Variants in GFRA1 observed in about 807,000 individuals in gnomAD.
GFRA1 encodes the protein GDNF family receptor alpha 1, also known as GDNF family receptor alpha-1.
A neutral mutation model predicts 51.6 loss-of-function variants in GFRA1; 16 were observed. The ratio of observed to expected loss-of-function variants is 0.31; its 90% CI spans 0.21 to 0.47. The LOEUF (loss-of-function observed/expected upper bound fraction) is 0.47. Ranked by LOEUF, GFRA1 falls within the 20% of genes least tolerant of loss-of-function variation. The pLI is 1.00. For synonymous variants in GFRA1, 270 were observed against 241.3 expected (o/e 1.12, Z -1.10); for missense variants, 530 against 594.3 (o/e 0.89, Z 1.13).
intron 5 of GFRA1, among the ~76,000 whole-genome samples, chr10:116,143,549 C>T (rs1446498385): frequency 3.3e-5 from 5 of 151,964 alleles, no homozygotes; most frequent in African/African-American, 9.7e-5. Flanking sequence ...TGCTCTGAGC[C>T]GATGACAAAA....
chr10:116,176,817 T>C (rs1010863604), intron 5 of GFRA1, among the ~76,000 whole-genome samples: 2 of 147,172 alleles, frequency 1.4e-5, no homozygotes, highest in Non-Finnish European at 3.0e-5. Context: ...TAAGACTCTG[T>C]GACAGTCCTC....
chr10:116,196,554 T>C (rs1341117518), intron 5 of GFRA1, among the ~76,000 whole-genome samples: 20 of 88,970 alleles, frequency 2.2e-4, no homozygotes, highest in African/African-American at 7.5e-4. Context: ...TATATTTTTA[T>C]ATATACTATA....
chr10:116,118,778 T>C (rs1406959968), intron 6 of GFRA1, among the ~76,000 whole-genome samples: 2 of 152,168 alleles, frequency 1.3e-5, no homozygotes, highest in Middle Eastern at 3.2e-3. Flanking sequence ...TTTCTCTCTC[T>C]GAGCCAAGAG....
intron 5 of GFRA1, among the ~76,000 whole-genome samples, chr10:116,187,338 G>A (rs1403307875): frequency 1.3e-5 from 2 of 152,128 alleles, no homozygotes; most frequent in East Asian, 3.9e-4. Flanking sequence ...ATCTCTGCAG[G>A]ACCCTGTGTG....
At chr10:116,132,637 T>C (rs2134056264) in intron 5 of GFRA1, among the ~76,000 whole-genome samples, 1 of 152,140 alleles carries the variant, frequency 6.6e-6, no homozygotes, top group Non-Finnish European at 1.5e-5. Flanking sequence ...GCCCTGATAC[T>C]GCGGATCCTA....
At chr10:116,230,624 A>G (rs892937870) in intron 4 of GFRA1, among the ~76,000 whole-genome samples, 6 of 151,796 alleles carry the variant, frequency 4.0e-5, no homozygotes, top group Non-Finnish European at 7.4e-5. Flanking sequence ...TTCAACTCTG[A>G]AAGTATTTAT....
At chr10:116,111,120 C>T (rs1171117380) in intron 6 of GFRA1, among the ~76,000 whole-genome samples, 2 of 152,188 alleles carry the variant, frequency 1.3e-5, no homozygotes, top group Non-Finnish European at 2.9e-5. Flanking sequence ...TGGCAGCTTC[C>T]TTATTCGAAT....
At position 116,062,329 on chromosome 10, in the gene GFRA1, A is replaced by G. The variant is rs1456977318; in HGVS notation, c.*2069T>C. 7.7e-6 allele frequency: 3 copies of G among 391,412 alleles called. No individual in the cohort carries two copies. Among genetic ancestry groups the G allele is most frequent in the Non-Finnish European group, 4.5e-6 (1 of 222,160 alleles). 24.2% of individuals were successfully genotyped at this position (391,412 alleles called of 1,614,324 possible). On this transcript the variant is annotated 3_prime_UTR_variant, in exon 11 of 11. Coordinates refer to ENST00000355422, the MANE Select transcript of GFRA1 (RefSeq NM_005264.8). ...ACTGGCATTCCAAATATTTTGACAC[A>G]CTTACTTAATGTGTTTATTCAAAGT...
Position 116,258,366 on chromosome 10 carries a change from T to C in GFRA1, c.418+11137A>G, listed in dbSNP as rs531211092. 2.8e-4 allele frequency among the ~76,000 whole-genome samples: 9 copies of C among 32,332 alleles called. No homozygotes were observed. The East Asian group carries it at 7.0e-3, about 25-fold the overall frequency. The allele number at this position is 32,332 out of a possible 152,430, so 21.2% of individuals were successfully genotyped here. Reference sequence around the variant, plus strand: ...ATGTAACATATATAATATATAATAATAAAATAATATCTAATATATTAATTA... The same window carrying C: ...ATGTAACATATATAATATATAATAACAAAATAATATCTAATATATTAATTA... On this transcript the variant is annotated intron_variant, in intron 4 of 10. Coordinates refer to ENST00000355422, the MANE Select transcript of GFRA1 (RefSeq NM_005264.8).
intron 5 of GFRA1, among the ~76,000 whole-genome samples, chr10:116,186,399 C>G (rs191525976): frequency 2.0e-5 from 3 of 152,170 alleles, no homozygotes; most frequent in African/African-American, 7.2e-5. Flanking sequence ...CAGCTCCTAA[C>G]GACTGATGTG....
At position 116,270,985 on chromosome 10, in the gene GFRA1, C is replaced by T. The variant is rs761831378; in HGVS notation, c.171G>A (p.Glu57=). ...GGCCGGATGCCAGGCTGAAGTTGGT[C>T]TCCTTGCCCGCCACGCACTGCCTTA... ...RTLRQCVAGK[E]TNFSLASGLE... is the part of the protein sequence containing the mutation. The change falls in exon 3 of 11, where the codon GAG becomes GAA. Residue 57 remains glutamate (E), a synonymous_variant. Transcript: ENST00000355422. 1.1e-5 allele frequency: 18 copies of T among 1,614,124 alleles called. No homozygotes were observed. The highest frequency in any genetic ancestry group is 2.7e-5 in the African/African-American group (2 of 74,960).
rs539197139 is a variant in GFRA1, at chr10:116,061,106, T to G, written c.*3292A>C. 3 of 152,176 alleles carry G rather than the reference T, an allele frequency of 2.0e-5. No individual in the cohort carries two copies. The highest frequency in any genetic ancestry group is 1.3e-4 in the Admixed American group (2 of 15,286). The allele number at this position is 152,176 out of a possible 1,614,324, so 9.4% of individuals were successfully genotyped here. On this transcript the variant is annotated 3_prime_UTR_variant, in exon 11 of 11. Coordinates refer to ENST00000355422, the MANE Select transcript of GFRA1 (RefSeq NM_005264.8). ...GGCGGCAGCTAGAAGCGGCCCATCCTCAGAGTGTATGCAAGACAGGAAGTG... is the reference window on the plus strand; with the variant it reads ...GGCGGCAGCTAGAAGCGGCCCATCCGCAGAGTGTATGCAAGACAGGAAGTG...
chr10:116,148,558 A>G (rs1478598690), intron 5 of GFRA1, among the ~76,000 whole-genome samples: 4 of 152,182 alleles, frequency 2.6e-5, no homozygotes, highest in Non-Finnish European at 5.9e-5. Context: ...CCTAGCACAT[A>G]GCAGACGCCA....
chr10:116,200,601 A>G (rs917597126), intron 5 of GFRA1, among the ~76,000 whole-genome samples: 3 of 152,252 alleles, frequency 2.0e-5, no homozygotes, highest in Non-Finnish European at 2.9e-5. Flanking sequence ...TTGGAAGTCC[A>G]AGATCCTGGT....
rs1158981008 is a variant in GFRA1, at chr10:116,088,539, C to A, written c.1197+1202G>T. 2.6e-5 allele frequency among the ~76,000 whole-genome samples: 4 copies of A among 152,080 alleles called. No individual in the cohort carries two copies. The East Asian group carries it at 7.7e-4, about 29-fold the overall frequency. ...CAAGAGTGATCCTTCTCTGAGCCCC[C>A]GTGTCCTCAAACGAAAGAAGCTACG... On this transcript the variant is annotated intron_variant, in intron 9 of 10. Transcript: ENST00000355422.
At chr10:116,204,495 T>C (rs1035853610) in intron 5 of GFRA1, among the ~76,000 whole-genome samples, 1 of 152,158 alleles carries the variant, frequency 6.6e-6, no homozygotes, top group African/African-American at 2.4e-5. Context: ...CCAGGACTCC[T>C]TGGAGAAGTG....
intron 5 of GFRA1, among the ~76,000 whole-genome samples, chr10:116,206,832 C>T (rs1302067656): frequency 2.0e-5 from 3 of 151,684 alleles, no homozygotes; most frequent in Non-Finnish European, 4.4e-5. Context: ...CGGGGTTTCA[C>T]CGTGCTAGCC....
intron 5 of GFRA1, among the ~76,000 whole-genome samples, chr10:116,152,334 G>A (rs943093712): frequency 5.3e-5 from 8 of 152,106 alleles, no homozygotes; most frequent in African/African-American, 7.2e-5. Flanking sequence ...TTTTAGAAAC[G>A]TTCACCAGAA....
chr10:116,208,148 T>C (rs965310665), intron 5 of GFRA1, among the ~76,000 whole-genome samples: 1 of 152,036 alleles, frequency 6.6e-6, no homozygotes, highest in Non-Finnish European at 1.5e-5. Context: ...CTTCTGAACC[T>C]GGAACATCGG....
Sources: gnomAD v4.1 joint callset for allele counts (sites outside exome capture counted in the v4.1 genomes callset) on GRCh38, gnomAD v4.1.1 for gene constraint, MANE v1.5 for transcripts, NCBI Gene and HGNC (gene_info 2026-07-23, HGNC 2026-07-21) for gene names.